The following PDE4D variants were observed in gnomAD, a reference collection of about 807,000 sequenced individuals.
PDE4D encodes 3',5'-cyclic-AMP phosphodiesterase 4D.
PDE4D carries 24 observed loss-of-function variants against 87.4 expected under a neutral mutation model. The observed-to-expected ratio is 0.27, with a 90% CI of 0.20 to 0.39. The LOEUF (loss-of-function observed/expected upper bound fraction) is 0.39. PDE4D is among the 10% of genes least tolerant of loss of function. The probability of loss-of-function intolerance (pLI) is 1.00; values close to 1 mark genes in which losing one functional copy is unlikely to be tolerated. For missense variants in PDE4D, 714 were observed against 1,041.0 expected (o/e 0.69, Z 4.32); for synonymous variants, 384 against 383.2 (o/e 1.00, Z -0.02).
intron 1 of PDE4D, among the ~76,000 whole-genome samples, chr5:60,363,237 T>C (rs1760231630): frequency 6.6e-6 from 1 of 152,206 alleles, no homozygotes; most frequent in African/African-American, 2.4e-5. Flanking sequence ...TATCATACAG[T>C]CTGACTTTCA....
At chr5:59,010,871 C>T (rs930479164) in intron 6 of PDE4D, among the ~76,000 whole-genome samples, 3 of 152,136 alleles carry the variant, frequency 2.0e-5, no homozygotes, top group African/African-American at 7.2e-5. Context: ...CCCGAGTAGC[C>T]TAACTGGGAG....
chr5:59,109,946 C>T (rs902513860), intron 5 of PDE4D, among the ~76,000 whole-genome samples: 41 of 152,110 alleles, frequency 2.7e-4, no homozygotes, highest in African/African-American at 9.4e-4. Context: ...TTGTGCTGCC[C>T]ATGGAGAGAG....
At chr5:59,695,435 C>T (rs1026134789) in intron 1 of PDE4D, among the ~76,000 whole-genome samples, 13 of 152,020 alleles carry the variant, frequency 8.6e-5, no homozygotes, top group African/African-American at 1.9e-4. Flanking sequence ...TTGAAATAGC[C>T]GAATTGTTTC....
rs1554056662 is a variant in PDE4D, at chr5:59,668,827, A to AGAAGAG, written c.455+224335_455+224340dup. On this transcript the variant is annotated intron_variant, in intron 1 of 14. Coordinates refer to ENST00000340635, the MANE Select transcript of PDE4D (RefSeq NM_001104631.2). ...AGAAAGAAGAAGAAGAAGAAGAAGA[A>AGAAGAG]GAAGAGGAAGAGGAAGAGGAAGAAG... Among the ~76,000 whole-genome samples, 741 of 76,892 alleles carry AGAAGAG rather than the reference A, an allele frequency of 9.6e-3. 112 individuals are homozygous for AGAAGAG. The highest frequency in any genetic ancestry group is 0.028 in the East Asian group (68 of 2,424). 50.4% of individuals were successfully genotyped at this position (76,892 alleles called of 152,430 possible). A position where few individuals can be genotyped will look rare whatever the true frequency, so the allele number is the denominator to read the frequency against.
At chr5:60,049,444 G>A (rs1769795018) in intron 2 of PDE4D, among the ~76,000 whole-genome samples, 1 of 152,164 alleles carries the variant, frequency 6.6e-6, no homozygotes. Flanking sequence ...GAGGCACTCT[G>A]CTTTTTAGAG....
At position 59,819,292 on chromosome 5, in the gene PDE4D, G is replaced by C. The variant is rs375367739; in HGVS notation, c.455+73876C>G. On this transcript the variant is annotated intron_variant, in intron 1 of 14. Coordinates refer to ENST00000340635, the MANE Select transcript of PDE4D (RefSeq NM_001104631.2). Reference sequence around the variant, plus strand: ...GAGTATTCTCGCCTTCTCAACGCCTGGTAAAACTGAGTTCATAAATGGTCA... The same window carrying C: ...GAGTATTCTCGCCTTCTCAACGCCTCGTAAAACTGAGTTCATAAATGGTCA... 7.2e-5 allele frequency among the ~76,000 whole-genome samples: 11 copies of C among 152,254 alleles called. No homozygotes were observed. The East Asian group carries it at 1.2e-3, about 16-fold the overall frequency.
intron 1 of PDE4D, among the ~76,000 whole-genome samples, chr5:59,301,203 G>C (rs527718683): frequency 1.3e-5 from 2 of 152,142 alleles, no homozygotes; most frequent in African/African-American, 4.8e-5. Flanking sequence ...AATCAGAAAG[G>C]CAGGAACAGG....
chr5:59,507,280 C>T (rs541192318), intron 1 of PDE4D, among the ~76,000 whole-genome samples: 5 of 151,584 alleles, frequency 3.3e-5, no homozygotes, highest in East Asian at 2.0e-4. Flanking sequence ...TGCAGTGAGA[C>T]GAGTTCGTGC....
At chr5:59,801,119 A>G (rs1042573456) in intron 1 of PDE4D, among the ~76,000 whole-genome samples, 3 of 152,222 alleles carry the variant, frequency 2.0e-5, no homozygotes, top group African/African-American at 7.2e-5. Context: ...AAGCTAATTA[A>G]CTTGTCCAAA....
At chr5:59,725,919 CTT>C (rs1483125424) in intron 1 of PDE4D, among the ~76,000 whole-genome samples, 1 of 151,966 alleles carries the variant, frequency 6.6e-6, no homozygotes, top group Admixed American at 6.6e-5. Context: ...AATTATGTGA[CTT>C]TGGCCAAATT....
intron 1 of PDE4D, among the ~76,000 whole-genome samples, chr5:60,258,051 G>T (rs550122949): frequency 6.6e-6 from 1 of 152,022 alleles, no homozygotes; most frequent in South Asian, 2.1e-4. Context: ...CACCTCACTC[G>T]CCAGGCCTTG....
rs184595333 is a variant in PDE4D, at chr5:60,153,517, G to A, written c.42+32040C>T. On this transcript the variant is annotated intron_variant, in intron 2 of 16. Transcript: ENST00000502484. ...CCATATGATCTGGAATTTCTACTTC[G>A]GGGCATATATCCAAAGGAAATAAAA... is the stretch of plus-strand genomic sequence containing the variant. Among the ~76,000 whole-genome samples, 601 of 152,146 alleles carry A rather than the reference G, an allele frequency of 4.0e-3. 2 individuals are homozygous for A. Among genetic ancestry groups the A allele is most frequent in the African/African-American group, 0.014 (575 of 41,512 alleles).
chr5:59,959,304 G>A (rs911525947), intron 3 of PDE4D, among the ~76,000 whole-genome samples: 2 of 152,126 alleles, frequency 1.3e-5, no homozygotes, highest in African/African-American at 4.8e-5. Flanking sequence ...GCAATGTACA[G>A]ATTCAACAGT....
chr5:60,475,082 CAAAAT>C (rs555314915), intron 1 of PDE4D, among the ~76,000 whole-genome samples: 15 of 152,024 alleles, frequency 9.9e-5, no homozygotes, highest in Middle Eastern at 3.4e-3. Context: ...AGATAGAAAA[CAAAAT>C]AAGGGTGCTC....
chr5:59,681,217 A>G (rs1748947701), intron 1 of PDE4D, among the ~76,000 whole-genome samples: 2 of 152,200 alleles, frequency 1.3e-5, no homozygotes, highest in Non-Finnish European at 2.9e-5. Context: ...TTAAAATGAC[A>G]AGGGAGTCAA....
chr5:59,390,310 A>C (rs1422642745), intron 1 of PDE4D, among the ~76,000 whole-genome samples: 2 of 152,144 alleles, frequency 1.3e-5, no homozygotes, highest in Non-Finnish European at 2.9e-5. Context: ...AGTTATTTCT[A>C]AAGTGTTCTC....
chr5:59,700,072 C>G lies in PDE4D; in HGVS notation c.455+193096G>C, dbSNP rs148897058. 2.9e-3 allele frequency among the ~76,000 whole-genome samples: 434 copies of G among 152,164 alleles called. 5 individuals are homozygous for G. Among genetic ancestry groups the G allele is most frequent in the African/African-American group, 0.01 (417 of 41,522 alleles). On this transcript the variant is annotated intron_variant, in intron 1 of 14. Coordinates refer to ENST00000340635, the MANE Select transcript of PDE4D (RefSeq NM_001104631.2). ...GATCCCTGGTCACAAATTTTAATAC[C>G]CTGCACAATGAAATTGCATAACCAT... is the stretch of plus-strand genomic sequence containing the variant.
intron 5 of PDE4D, among the ~76,000 whole-genome samples, chr5:59,112,768 C>T (rs761132756): frequency 4.0e-5 from 6 of 151,250 alleles, no homozygotes; most frequent in Non-Finnish European, 5.9e-5. Flanking sequence ...TTCTACCCTT[C>T]CCTTCCTTTT....
chr5:59,694,891 T>C (rs1751523566), intron 1 of PDE4D, among the ~76,000 whole-genome samples: 1 of 152,198 alleles, frequency 6.6e-6, no homozygotes, highest in South Asian at 2.1e-4. Flanking sequence ...AACATTACTA[T>C]TAATAACTTT....
Sources: allele counts gnomAD v4.1 joint callset (sites outside exome capture counted in the v4.1 genomes callset), GRCh38; gene constraint gnomAD v4.1.1; transcripts MANE v1.5; gene names NCBI Gene and HGNC (gene_info 2026-07-23, HGNC 2026-07-21).